The following NXN variants were observed in gnomAD, a reference collection of about 807,000 sequenced individuals.
NXN encodes nucleoredoxin 1.
NXN carries 16 observed loss-of-function variants against 48.6 expected under a neutral mutation model. That is an observed-to-expected ratio of 0.33 (90% CI 0.22 to 0.50). The LOEUF (loss-of-function observed/expected upper bound fraction) is 0.50. NXN is among the 20% of genes least tolerant of loss of function. The pLI is 0.98. For missense variants in NXN, 492 were observed against 605.5 expected, an observed-to-expected ratio of 0.81 and a Z score of 1.97; for synonymous variants, 281 against 269.6, an observed-to-expected ratio of 1.04 and a Z score of -0.41.
chr17:854,004 G>A (rs577474279), intron 1 of NXN, among the ~76,000 whole-genome samples: 2 of 152,138 alleles, frequency 1.3e-5, no homozygotes, highest in African/African-American at 4.8e-5. Context: ...ACAGGCGTGA[G>A]CCACTGCGCC....
intron 1 of NXN, among the ~76,000 whole-genome samples, chr17:884,483 A>C (rs1419922573): frequency 3.9e-5 from 6 of 152,170 alleles, no homozygotes; most frequent in Admixed American, 2.0e-4. Context: ...GGTCAAAAAG[A>C]AGCAGAGAAA....
At chr17:875,331 G>A (rs2068202685) in intron 1 of NXN, among the ~76,000 whole-genome samples, 1 of 151,762 alleles carries the variant, frequency 6.6e-6, no homozygotes, top group Non-Finnish European at 1.5e-5. Flanking sequence ...CATGCCGGGT[G>A]CTATACTACC....
chr17:841,364 G>C (rs1914170615), intron 1 of NXN, among the ~76,000 whole-genome samples: 1 of 152,198 alleles, frequency 6.6e-6, no homozygotes, highest in Non-Finnish European at 1.5e-5. Flanking sequence ...CTGGGACCCA[G>C]AGCAGCCCAC....
chr17:841,508 C>CCCACA (rs1914248511), intron 1 of NXN, among the ~76,000 whole-genome samples: 1 of 134,018 alleles, frequency 7.5e-6, no homozygotes, highest in Non-Finnish European at 1.6e-5. Flanking sequence ...GCATCTCACA[C>CCCACA]GGGCGAGCAG....
chr17:809,412 C>T (rs562655698), intron 5 of NXN, among the ~76,000 whole-genome samples: 5 of 152,302 alleles, frequency 3.3e-5, no homozygotes, highest in Admixed American at 6.5e-5. Context: ...CCAGGTGCGC[C>T]GAGACTGTCC....
chr17:816,730 T>C (rs1912490988), intron 5 of NXN, among the ~76,000 whole-genome samples: 1 of 152,164 alleles, frequency 6.6e-6, no homozygotes, highest in Non-Finnish European at 1.5e-5. Context: ...CCAGGCAGAA[T>C]GCAATGGCAT....
intron 1 of NXN, among the ~76,000 whole-genome samples, chr17:943,598 G>A (rs951201481): frequency 6.6e-6 from 1 of 152,132 alleles, no homozygotes; most frequent in Non-Finnish European, 1.5e-5. Flanking sequence ...GAGGCAGGCG[G>A]ATCACTTGAG....
intron 1 of NXN, among the ~76,000 whole-genome samples, chr17:847,608 C>T (rs954855432): frequency 6.6e-6 from 1 of 152,144 alleles, no homozygotes; most frequent in African/African-American, 2.4e-5. Context: ...CAAAAGGAAT[C>T]GTGTCCGACA....
intron 5 of NXN, among the ~76,000 whole-genome samples, chr17:816,236 G>A (rs905725188): frequency 1.1e-4 from 16 of 152,116 alleles, no homozygotes; most frequent in Admixed American, 8.5e-4. Context: ...ACACAGAGTC[G>A]TTCTGGGGAC....
intron 5 of NXN, among the ~76,000 whole-genome samples, chr17:812,556 AGT>A (rs202108082): frequency 1.8e-4 from 27 of 151,630 alleles, no homozygotes; most frequent in African/African-American, 3.9e-4. Flanking sequence ...CTGCAGAGCG[AGT>A]GTGTGTGTGA....
intron 5 of NXN, among the ~76,000 whole-genome samples, chr17:806,601 C>G (rs538510688): frequency 4.6e-5 from 7 of 152,250 alleles, no homozygotes; most frequent in Admixed American, 2.6e-4. Flanking sequence ...AGACGCCTCT[C>G]CTCCTGGGCT....
chr17:926,691 G>A lies in NXN; in HGVS notation c.360+52628C>T, dbSNP rs1241035816. On this transcript the variant is annotated intron_variant, in intron 1 of 7. Coordinates refer to ENST00000336868, the MANE Select transcript of NXN (RefSeq NM_022463.5). ...GTTCCGAGTAGCTCAGACCACAGGC[G>A]TGCACCACCACGTCGGCTCATTTTT... Among the ~76,000 whole-genome samples, 12 of 151,182 alleles carry A rather than the reference G, an allele frequency of 7.9e-5. 1 individual carries two copies. The highest frequency in any genetic ancestry group is 1.0e-4 in the Non-Finnish European group (7 of 67,916).
intron 6 of NXN, 134 bp from the exon 7 acceptor site, chr17:803,940 C>T (rs1445068924): frequency 1.7e-6 from 2 of 1,157,884 alleles, no homozygotes; most frequent in African/African-American, 1.5e-5. Flanking sequence ...TGAACTTCCC[C>T]TTGGATGCAG....
rs183776670 is a variant in NXN, at chr17:948,089, A to T, written c.360+31230T>A. On this transcript the variant is annotated intron_variant, in intron 1 of 7. Transcript: ENST00000336868. ...AAAAAATCAGTAAAAAGAATTTTTT[A>T]AAAAAATGTAAAAATACAAATAAAA... Among the ~76,000 whole-genome samples the T allele has an allele frequency of 5.3e-3, 813 of 152,148 alleles. 7 individuals carry two copies. Among genetic ancestry groups the T allele is most frequent in the Admixed American group, 0.024 (363 of 15,278 alleles).
At chr17:890,511 C>T (rs977785979) in intron 1 of NXN, among the ~76,000 whole-genome samples, 2 of 151,798 alleles carry the variant, frequency 1.3e-5, no homozygotes, top group African/African-American at 4.8e-5. Context: ...GTAGCTAGGA[C>T]TTACAGACAC....
At chr17:842,523 A>T in intron 1 of NXN, 1 of 985,376 alleles carries the variant, frequency 1.0e-6, no homozygotes, top group Non-Finnish European at 1.2e-6. Flanking sequence ...CATGCAACCC[A>T]CCTTCGAAGA....
chr17:969,533 G>A (rs1043514771), intron 1 of NXN, among the ~76,000 whole-genome samples: 1 of 152,156 alleles, frequency 6.6e-6, no homozygotes, highest in Non-Finnish European at 1.5e-5. Flanking sequence ...GCCTATTCGG[G>A]GCTCCGGCGG....
intron 1 of NXN, among the ~76,000 whole-genome samples, chr17:918,355 C>T (rs62070219): frequency 0.17 from 25,995 of 151,928 alleles, 2,271 homozygotes; most frequent in East Asian, 0.22. Context: ...GAGGAGCGCA[C>T]GATCCATCAG....
At chr17:895,773 G>T (rs528951637) in intron 1 of NXN, among the ~76,000 whole-genome samples, 82 of 21,648 alleles carry the variant, frequency 3.8e-3, no homozygotes, top group African/African-American at 0.023. Flanking sequence ...AGCCGAGATC[G>T]CACCACTGCA....
Sources: gnomAD v4.1 joint callset for allele counts (sites outside exome capture counted in the v4.1 genomes callset) on GRCh38, gnomAD v4.1.1 for gene constraint, MANE v1.5 for transcripts, NCBI Gene and HGNC (gene_info 2026-07-23, HGNC 2026-07-21) for gene names.